Variants in GRIK2 observed in about 807,000 individuals in gnomAD.
The protein encoded by GRIK2 is glutamate receptor ionotropic, kainate 2.
Under a neutral mutation model 100.3 loss-of-function variants are expected in GRIK2, and 32 were observed. The ratio of observed to expected loss-of-function variants is 0.32; its 90% CI spans 0.24 to 0.43. The LOEUF is 0.43. GRIK2 is among the 20% of genes least tolerant of loss of function. The pLI is 1.00. For synonymous variants in GRIK2, 417 were observed against 389.4 expected, an observed-to-expected ratio of 1.07 and a Z score of -0.83; for missense variants, 843 against 1,114.9, an observed-to-expected ratio of 0.76 and a Z score of 3.47.
At chr6:101,995,771 G>C (rs1794620098) in intron 14 of GRIK2, among the ~76,000 whole-genome samples, 1 of 151,714 alleles carries the variant, frequency 6.6e-6, no homozygotes, top group Non-Finnish European at 1.5e-5. Flanking sequence ...GGAGAAAATT[G>C]TATCTGACAA....
At chr6:101,632,730 T>A (rs1780822788) in intron 4 of GRIK2, among the ~76,000 whole-genome samples, 1 of 152,028 alleles carries the variant, frequency 6.6e-6, no homozygotes, top group Admixed American at 6.6e-5. Flanking sequence ...GGGACAAGAA[T>A]TATAGATAAA....
chr6:101,568,742 T>G (rs1777399048), intron 2 of GRIK2, among the ~76,000 whole-genome samples: 1 of 152,112 alleles, frequency 6.6e-6, no homozygotes, highest in Non-Finnish European at 1.5e-5. Context: ...AAATTTGCCT[T>G]CAACACATTT....
At chr6:102,008,903 TATAC>T (rs745621088) in intron 14 of GRIK2, among the ~76,000 whole-genome samples, 22 of 152,076 alleles carry the variant, frequency 1.4e-4, no homozygotes, top group Non-Finnish European at 2.5e-4. Flanking sequence ...TAATATGTAA[TATAC>T]ATGTATACAC....
At chr6:101,921,932 A>G (rs1789547618) in intron 12 of GRIK2, among the ~76,000 whole-genome samples, 1 of 152,152 alleles carries the variant, frequency 6.6e-6, no homozygotes, top group South Asian at 2.1e-4. Context: ...AAAGCAGAGA[A>G]TGTGAGGTAA....
At chr6:101,416,278 C>T (rs1776136790) in intron 2 of GRIK2, among the ~76,000 whole-genome samples, 1 of 152,126 alleles carries the variant, frequency 6.6e-6, no homozygotes, top group South Asian at 2.1e-4. Context: ...TAGTTTTCTA[C>T]AATTGTAGGC....
intron 10 of GRIK2, among the ~76,000 whole-genome samples, chr6:101,830,046 C>A (rs1015720346): frequency 5.3e-5 from 8 of 151,988 alleles, no homozygotes; most frequent in Admixed American, 4.6e-4. Context: ...GCTACAGTAA[C>A]CAAAACAGCA....
At chr6:101,772,982 A>T (rs1408370834) in intron 7 of GRIK2, among the ~76,000 whole-genome samples, 3 of 152,110 alleles carry the variant, frequency 2.0e-5, no homozygotes, top group African/African-American at 4.8e-5. Flanking sequence ...CACATTAATA[A>T]CATAAGTGTT....
At chr6:101,407,755 T>C (rs1440585754) in intron 2 of GRIK2, among the ~76,000 whole-genome samples, 1 of 152,160 alleles carries the variant, frequency 6.6e-6, no homozygotes, top group Non-Finnish European at 1.5e-5. Flanking sequence ...ATTCTAAGAC[T>C]TAGCTTCTGA....
rs547352462 is a variant in GRIK2 at position 102,002,012 on chromosome 6, G to A, written c.2086-33329G>A. 2.3e-4 allele frequency among the ~76,000 whole-genome samples: 35 copies of A among 151,374 alleles called. No individual in the cohort carries two copies. In the South Asian group the frequency reaches 7.1e-3, roughly 31 times the overall value. On this transcript the variant is annotated intron_variant, in intron 14 of 16. Coordinates refer to ENST00000369134, the MANE Select transcript of GRIK2 (RefSeq NM_021956.5). ...AATGCATATAAGTTTGTTGAGAGTG[G>A]ATACCTAAAAAAAAGTGAACTTATC...
intron 11 of GRIK2, among the ~76,000 whole-genome samples, chr6:101,872,662 C>A (rs1249145885): frequency 1.3e-5 from 2 of 151,824 alleles, no homozygotes; most frequent in Admixed American, 6.6e-5. Context: ...AATAATTCCC[C>A]CTTCCCATCC....
chr6:101,570,706 A>T (rs1777487914), intron 2 of GRIK2, among the ~76,000 whole-genome samples: 2 of 152,168 alleles, frequency 1.3e-5, no homozygotes, highest in South Asian at 4.1e-4. Flanking sequence ...CCAACACTTT[A>T]GCAGATATTT....
In GRIK2 at chr6:102,042,513, G is replaced by T. The variant is rs1431885460; in HGVS notation, c.2311+6947G>T. Among the ~76,000 whole-genome samples the T allele has an allele frequency of 4.6e-4, 69 of 151,642 alleles. No homozygotes were observed. The Admixed American group carries it at 4.6e-3, about 10-fold the overall frequency. ...GAGCTTAGTGAGACCAAAGCAGACA[G>T]ACCAAATTGCAAAAGGGACTTCAGC... On this transcript the variant is annotated intron_variant, in intron 15 of 16. Transcript: ENST00000369134.
chr6:101,503,910 T>C (rs72957121), intron 2 of GRIK2, among the ~76,000 whole-genome samples: 14,138 of 152,158 alleles, frequency 0.093, 680 homozygotes, highest in Middle Eastern at 0.12. Context: ...TAGGCTTATC[T>C]AGAAATACTA....
At chr6:101,691,127 A>G (rs1189141858) in intron 7 of GRIK2, among the ~76,000 whole-genome samples, 1 of 151,978 alleles carries the variant, frequency 6.6e-6, no homozygotes, top group African/African-American at 2.4e-5. Flanking sequence ...TGCATTTGTT[A>G]ATTTATTTTA....
At chr6:101,780,159 A>G (rs1779000492) in intron 7 of GRIK2, among the ~76,000 whole-genome samples, 1 of 150,878 alleles carries the variant, frequency 6.6e-6, no homozygotes, top group Non-Finnish European at 1.5e-5. Context: ...CTTAGGGACT[A>G]CAATAACTTT....
chr6:101,888,912 G>C (rs1243456476), intron 11 of GRIK2, among the ~76,000 whole-genome samples: 1 of 152,062 alleles, frequency 6.6e-6, no homozygotes, highest in Admixed American at 6.6e-5. Flanking sequence ...ATCTTTGACA[G>C]ATGATTATAA....
chr6:101,690,700 C>T (rs762069283), intron 7 of GRIK2, among the ~76,000 whole-genome samples: 6 of 152,022 alleles, frequency 3.9e-5, no homozygotes, highest in African/African-American at 4.8e-5. Context: ...TATTTGCTTG[C>T]TCCCTGTTCC....
rs1790055443 is a variant in GRIK2, at chr6:101,928,482, TATC to T, written c.1941_1943del (p.Ile648del). 6.2e-7 allele frequency: 1 copy of T among 1,609,464 alleles called. No individual in the cohort carries two copies. The highest frequency in any genetic ancestry group is 8.5e-7 in the Non-Finnish European group (1 of 1,175,842). ...GAGGCATTTGGTGGTTTTTCACACT[TATC>T]ATCATTTCTTCGTATACTGCTAACT... On this transcript the variant is annotated inframe_deletion, in exon 14 of 17. Transcript: ENST00000369134.
chr6:101,796,100 G>T (rs1382579131), intron 7 of GRIK2, among the ~76,000 whole-genome samples: 2 of 152,108 alleles, frequency 1.3e-5, no homozygotes, highest in South Asian at 2.1e-4. Flanking sequence ...CCAGAGAAAA[G>T]GATATAAACT....
Sources: allele counts gnomAD v4.1 joint callset (sites outside exome capture counted in the v4.1 genomes callset), GRCh38; gene constraint gnomAD v4.1.1; transcripts MANE v1.5; gene names NCBI Gene and HGNC (gene_info 2026-07-23, HGNC 2026-07-21).